The following CEP112 variants were observed in gnomAD, a reference collection of about 807,000 sequenced individuals.
The protein encoded by CEP112 is centrosomal protein 112.
In CEP112, 127 loss-of-function variants were observed where a neutral mutation model predicts 153.0. The observed-to-expected ratio is 0.83, with a 90% CI of 0.72 to 0.96. The LOEUF (loss-of-function observed/expected upper bound fraction) is 0.96. CEP112 is among the 40% of genes least tolerant of loss of function. The probability of loss-of-function intolerance (pLI) is 0.00; values close to 1 mark genes in which losing one functional copy is unlikely to be tolerated. For missense variants in CEP112, 1,089 were observed against 1,101.2 expected (o/e 0.99, Z 0.16); for synonymous variants, 358 against 374.4 (o/e 0.96, Z 0.51).
At chr17:65,831,365 G>A (rs1363800491) in intron 21 of CEP112, among the ~76,000 whole-genome samples, 1 of 152,194 alleles carries the variant, frequency 6.6e-6, no homozygotes, top group African/African-American at 2.4e-5. Context: ...AGACCATCCT[G>A]GCTAACACAG....
At chr17:65,804,800 T>C (rs1181906213) in intron 21 of CEP112, among the ~76,000 whole-genome samples, 1 of 152,096 alleles carries the variant, frequency 6.6e-6, no homozygotes, top group Non-Finnish European at 1.5e-5. Context: ...ATTAACAATA[T>C]TAAATATCAC....
intron 21 of CEP112, among the ~76,000 whole-genome samples, chr17:65,847,873 G>T (rs1015648736): frequency 6.6e-6 from 1 of 152,198 alleles, no homozygotes; most frequent in African/African-American, 2.4e-5. Context: ...AAAAAATCAT[G>T]TGGAGAAGCA....
intron 24 of CEP112, among the ~76,000 whole-genome samples, chr17:65,654,227 C>T (rs941289279): frequency 6.6e-6 from 1 of 152,050 alleles, no homozygotes; most frequent in African/African-American, 2.4e-5. Context: ...AAGAAAAATC[C>T]GTTTTAAGAA....
chr17:65,988,320 G>A (rs1051833617), intron 17 of CEP112, among the ~76,000 whole-genome samples: 2 of 152,096 alleles, frequency 1.3e-5, no homozygotes, highest in Admixed American at 1.3e-4. Context: ...AACAAGTCAG[G>A]CAAGGAAAAC....
chr17:66,050,925 T>C (rs1439457607), intron 12 of CEP112, among the ~76,000 whole-genome samples: 1 of 152,168 alleles, frequency 6.6e-6, no homozygotes, highest in East Asian at 1.9e-4. Context: ...TTTACCCTAT[T>C]CCTATTATTT....
chr17:66,060,052 C>A (rs2066862623), intron 11 of CEP112, among the ~76,000 whole-genome samples: 1 of 151,858 alleles, frequency 6.6e-6, no homozygotes, highest in East Asian at 1.9e-4. Flanking sequence ...AAATAGAAAA[C>A]CAAGCATGTT....
At chr17:65,780,729 T>C (rs1306910936) in intron 21 of CEP112, among the ~76,000 whole-genome samples, 3 of 152,090 alleles carry the variant, frequency 2.0e-5, no homozygotes, top group Non-Finnish European at 2.9e-5. Context: ...TTCTGTGGTA[T>C]AGTACTCTTA....
chr17:65,970,120 G>T (rs145699946), intron 17 of CEP112, among the ~76,000 whole-genome samples: 1 of 152,116 alleles, frequency 6.6e-6, no homozygotes, highest in African/African-American at 2.4e-5. Context: ...CATGCATATC[G>T]CATGTATATT....
chr17:66,118,958 T>C lies in CEP112; in HGVS notation c.642+10788A>G, dbSNP rs181676418. ...TGGAATCAACCCAAATGCCCATCAA[T>C]GATAGACTGGATAAAGAAAATGTGG... On this transcript the variant is annotated intron_variant, in intron 6 of 26. Coordinates refer to ENST00000535342, the MANE Select transcript of CEP112 (RefSeq NM_001199165.4). 9.5e-4 allele frequency among the ~76,000 whole-genome samples: 145 copies of C among 152,228 alleles called. 1 individual carries two copies. The highest frequency in any genetic ancestry group is 3.4e-3 in the Middle Eastern group (1 of 294).
At chr17:65,832,131 C>A (rs1436218284) in intron 21 of CEP112, among the ~76,000 whole-genome samples, 1 of 152,112 alleles carries the variant, frequency 6.6e-6, no homozygotes, top group African/African-American at 2.4e-5. Context: ...TCAGGAAGTT[C>A]TTTAAAACTA....
chr17:65,680,835 G>A (rs1044465400), intron 24 of CEP112, among the ~76,000 whole-genome samples: 4 of 152,282 alleles, frequency 2.6e-5, no homozygotes, highest in East Asian at 3.9e-4. Flanking sequence ...TTCACAAGGC[G>A]GCAGGAGACA....
chr17:65,708,894 C>A (rs1285609335), intron 23 of CEP112, among the ~76,000 whole-genome samples: 1 of 152,178 alleles, frequency 6.6e-6, no homozygotes, highest in Admixed American at 6.6e-5. Context: ...GCCTCACACA[C>A]CAATGTCCCT....
chr17:65,744,741 T>C lies in CEP112; in HGVS notation c.2458-1524A>G, dbSNP rs117050877. On this transcript the variant is annotated intron_variant, in intron 22 of 26. Coordinates refer to ENST00000535342, the MANE Select transcript of CEP112 (RefSeq NM_001199165.4). ...TTCTTCTAACTTCTCAAATTAACCA[T>C]CTGATGAGAAACTTTTATATTTAAT... Among the ~76,000 whole-genome samples, 188 of 152,322 alleles carry C rather than the reference T, an allele frequency of 1.2e-3. 2 individuals carry two copies. The East Asian group carries it at 0.028, about 22-fold the overall frequency.
At chr17:66,082,235 AAAAGAAAGAAAG>A (rs563408733) in intron 8 of CEP112, among the ~76,000 whole-genome samples, 16 of 152,274 alleles carry the variant, frequency 1.1e-4, no homozygotes, top group Non-Finnish European at 1.8e-4. Flanking sequence ...GATTACTAAA[AAAAGAAAGAAAG>A]AAAGAAAGAC....
intron 23 of CEP112, among the ~76,000 whole-genome samples, chr17:65,731,000 A>C (rs1328157497): frequency 6.6e-6 from 1 of 152,072 alleles, no homozygotes; most frequent in Admixed American, 6.6e-5. Flanking sequence ...CGCTAGCTTC[A>C]AAGAAAGGAC....
At chr17:65,838,037 T>G (rs2057387294) in intron 21 of CEP112, among the ~76,000 whole-genome samples, 1 of 151,926 alleles carries the variant, frequency 6.6e-6, no homozygotes, top group Admixed American at 6.6e-5. Flanking sequence ...TATTGTCCTA[T>G]GACCCTGCCA....
chr17:65,793,322 A>G (rs181783308), intron 21 of CEP112, among the ~76,000 whole-genome samples: 11 of 152,172 alleles, frequency 7.2e-5, no homozygotes, highest in Non-Finnish European at 1.5e-4. Flanking sequence ...ACAACACACA[A>G]TGGGGCCTGT....
chr17:65,938,918 T>C lies in CEP112; in HGVS notation c.1873-11229A>G, dbSNP rs184170133. Among the ~76,000 whole-genome samples the C allele has an allele frequency of 5.3e-5, 8 of 152,208 alleles. No individual in the cohort carries two copies. The East Asian group carries it at 1.5e-3, about 29-fold the overall frequency. The stretch of plus-strand genomic sequence containing the variant: ...CCTCCGCCTCCCAGGTTCAAGCAAT[T>C]CTCCTGCCTCAGCCTCCTGAGTAGC... On this transcript the variant is annotated intron_variant, in intron 18 of 26. Transcript: ENST00000535342.
At chr17:66,069,501 C>T (rs1208851459) in intron 9 of CEP112, among the ~76,000 whole-genome samples, 1 of 152,030 alleles carries the variant, frequency 6.6e-6, no homozygotes, top group African/African-American at 2.4e-5. Flanking sequence ...AGTCCAAGAG[C>T]TCCTTTTTAA....
Sources: allele counts gnomAD v4.1 joint callset (sites outside exome capture counted in the v4.1 genomes callset), GRCh38; gene constraint gnomAD v4.1.1; transcripts MANE v1.5; gene names NCBI Gene and HGNC (gene_info 2026-07-23, HGNC 2026-07-21).